Variants in ASGR1 observed in about 807,000 individuals in gnomAD.
ASGR1 encodes C-type lectin domain family 4 member H1.
In ASGR1, 35 loss-of-function variants were observed where a neutral mutation model predicts 33.1. The ratio of observed to expected loss-of-function variants is 1.06; its 90% confidence interval spans 0.81 to 1.40. The LOEUF is 1.40. Ranked by LOEUF, ASGR1 falls within the 40% of genes most tolerant of loss-of-function variation. The probability of loss-of-function intolerance (pLI) is 0.00; values close to 1 mark genes in which losing one functional copy is unlikely to be tolerated. For missense variants in ASGR1, 396 were observed against 373.7 expected, an observed-to-expected ratio of 1.06 and a Z score of -0.49; for synonymous variants, 142 against 152.5, an observed-to-expected ratio of 0.93 and a Z score of 0.51.
chr17:7,176,913 G>A lies in ASGR1; in HGVS notation c.284-12C>T. 1 of 1,611,820 alleles carries A rather than the reference G, an allele frequency of 6.2e-7. No homozygotes were observed. Among genetic ancestry groups the A allele is most frequent in the African/African-American group, 1.3e-5 (1 of 74,924 alleles). On this transcript the variant is annotated splice_polypyrimidine_tract_variant and intron_variant, in intron 4 of 8. Coordinates refer to ENST00000269299, the MANE Select transcript of ASGR1 (RefSeq NM_001671.5). ...TCCCACATTGCCTCCTGCGGGAGAG[G>A]CTCGCTCAGCGTTCCCGACAGCCCC...
At chr17:7,176,453 C>T (rs2069210461) in intron 5 of ASGR1, among the ~76,000 whole-genome samples, 1 of 149,558 alleles carries the variant, frequency 6.7e-6, no homozygotes, top group Non-Finnish European at 1.5e-5. Context: ...ACACACACTC[C>T]CTCTCATTCC....
chr17:7,175,307 C>T (rs1008660377), intron 5 of ASGR1, among the ~76,000 whole-genome samples: 2 of 139,458 alleles, frequency 1.4e-5, no homozygotes, highest in African/African-American at 3.1e-5. Flanking sequence ...ACACACACAA[C>T]ACACCTTCAC....
intron 2 of ASGR1, 134 bp from the exon 3 acceptor site, chr17:7,177,460 G>C: frequency 1.5e-6 from 1 of 677,876 alleles, no homozygotes; most frequent in Non-Finnish European, 2.5e-6. Flanking sequence ...AATGCGGGCG[G>C]TGGGCGACCC....
intron 5 of ASGR1, among the ~76,000 whole-genome samples, chr17:7,175,710 C>T (rs924890598): frequency 3.3e-5 from 5 of 151,092 alleles, no homozygotes; most frequent in Non-Finnish European, 7.4e-5. Context: ...CCCTCATTCT[C>T]ACACACATAA....
At chr17:7,178,221 C>T in intron 2 of ASGR1, 1 of 505,128 alleles carries the variant, frequency 2.0e-6, no homozygotes, top group Admixed American at 3.2e-5. Flanking sequence ...GACCTCATCT[C>T]TCCAGCTTCC....
Position 7,176,859 on chromosome 17 carries a change from A to C in ASGR1, c.326T>G (p.Leu109Arg), listed in dbSNP as rs572631971. The change falls in exon 5 of 9, where the codon CTG (leucine) becomes CGG (arginine). Residue 109 changes from leucine (L) to arginine (R), a missense_variant. By Grantham distance (102) the Leu-to-Arg change is moderately radical. Coordinates refer to ENST00000269299, the MANE Select transcript of ASGR1 (RefSeq NM_001671.5). ...ACTCAGGTCCTTCTGCTGTTTCTCC[A>C]GCTGGGACTCTAGCGACTTCATCTT... ...GRKMKSLESQLEKQQKDLSED... is the reference protein window; with the variant it reads ...GRKMKSLESQREKQQKDLSED... 16 of 1,612,360 alleles carry C rather than the reference A, an allele frequency of 9.9e-6. 1 individual carries two copies. In the East Asian group the frequency reaches 3.1e-4, roughly 31 times the overall value.
chr17:7,176,934 G>GC, intron 4 of ASGR1, 33 bp from the exon 5 acceptor site: 3 of 1,609,218 alleles, frequency 1.9e-6, no homozygotes, highest in South Asian at 2.2e-5. Context: ...GTTCCCGACA[G>GC]CCCCCCAGCC....
rs538630456 is a variant in ASGR1, at chr17:7,176,073, CCTT to C, written c.355+754_355+756del. Among the ~76,000 whole-genome samples, 577 of 150,714 alleles carry C rather than the reference CCTT, an allele frequency of 3.8e-3. 1 individual carries two copies. Among genetic ancestry groups the C allele is most frequent in the South Asian group, 0.02 (96 of 4,764 alleles). On this transcript the variant is annotated intron_variant, in intron 5 of 8. Transcript: ENST00000269299. ...ACACAGACTCACACACCCATCCACT[CCTT>C]CTCATTCTCACACTCACACACACTC...
At chr17:7,176,452 CCCT>C (rs1184273526) in intron 5 of ASGR1, among the ~76,000 whole-genome samples, 1 of 150,906 alleles carries the variant, frequency 6.6e-6, no homozygotes. Context: ...CACACACACT[CCCT>C]CTCATTCCCA....
At chr17:7,176,293 ACACT>A (rs1161425154) in intron 5 of ASGR1, among the ~76,000 whole-genome samples, 1 of 139,874 alleles carries the variant, frequency 7.1e-6, no homozygotes, top group Non-Finnish European at 1.5e-5. Context: ...TCTCATTCTC[ACACT>A]CACAGACTCA....
chr17:7,176,287 AT>A (rs2069205847), intron 5 of ASGR1, among the ~76,000 whole-genome samples: 1 of 139,818 alleles, frequency 7.2e-6, no homozygotes, highest in Admixed American at 7.1e-5. Flanking sequence ...ACCCCATCTC[AT>A]TCTCACACTC....
chr17:7,176,388 TCA>T lies in ASGR1; in HGVS notation c.355+440_355+441del, dbSNP rs796264143. On this transcript the variant is annotated intron_variant, in intron 5 of 8. Transcript: ENST00000269299. ...CCCCATCTCATTCTTACACTCAGAC[TCA>T]CACACACCTCATTATCACACTCACA... Among the ~76,000 whole-genome samples the T allele has an allele frequency of 9.7e-3, 1,018 of 105,164 alleles. 12 individuals are homozygous for T. Among genetic ancestry groups the T allele is most frequent in the African/African-American group, 0.029 (917 of 31,844 alleles). 69.0% of individuals were successfully genotyped at this position (105,164 alleles called of 152,430 possible).
rs779143556 is a variant in ASGR1, at chr17:7,178,605, G to A, written c.-25-17C>T. On this transcript the variant is annotated splice_polypyrimidine_tract_variant and intron_variant, in intron 1 of 8. Coordinates refer to ENST00000269299, the MANE Select transcript of ASGR1 (RefSeq NM_001671.5). The stretch of plus-strand genomic sequence containing the variant: ...GACCTGGGACTGAGTCAAGACTGAG[G>A]CTGGGGCTGAGGTGGGGGCTCACCA... 3 of 1,591,352 alleles carry A rather than the reference G, an allele frequency of 1.9e-6. No individual in the cohort carries two copies. The highest frequency in any genetic ancestry group is 2.6e-6 in the Non-Finnish European group (3 of 1,163,404).
intron 5 of ASGR1, among the ~76,000 whole-genome samples, chr17:7,175,320 ACGACACACACAACACACCTTCACC>A (rs1268281505): frequency 7.6e-5 from 10 of 130,834 alleles, no homozygotes; most frequent in African/African-American, 3.4e-4. Flanking sequence ...ACCTTCACCC[ACGACACACACAACACACCTTCACC>A]CACACACACA....
intron 5 of ASGR1, among the ~76,000 whole-genome samples, chr17:7,175,110 AAC>A (rs916644510): frequency 7.3e-5 from 10 of 136,186 alleles, no homozygotes; most frequent in East Asian, 2.3e-4. Flanking sequence ...AAAACACACA[AAC>A]ACACAACACA....
Position 7,176,829 on chromosome 17 carries a change from CCTT to C in ASGR1, c.353_355del (p.Glu118del). On this transcript the variant is annotated inframe_deletion and splice_region_variant, in exon 5 of 9. Transcript: ENST00000269299. ...ACACACACACACACTCCCTCTCTGA[CCTT>C]CACTCAGGTCCTTCTGCTGTTTCTC... is the stretch of plus-strand genomic sequence containing the variant. 5.0e-6 allele frequency: 8 copies of C among 1,612,392 alleles called. No individual in the cohort carries two copies. Among genetic ancestry groups the C allele is most frequent in the Non-Finnish European group, 6.8e-6 (8 of 1,179,950 alleles).
chr17:7,177,520 G>A, intron 2 of ASGR1, 194 bp from the exon 3 acceptor site: 1 of 576,732 alleles, frequency 1.7e-6, no homozygotes, highest in Non-Finnish European at 3.1e-6. Context: ...GGCTGGGGAA[G>A]GGGGCTAAGC....
Position 7,177,009 on chromosome 17 carries a change from C to T in ASGR1, c.255G>A (p.Glu85=). The part of the protein sequence containing the change: ...ETFSNFTAST[E]AQVKGLSTQG... ...GGGTGCTCAAGCCCTTGACCTGGGC[C>T]TCCGTGCTCGCTGTGAAGTTGCTGA... is the stretch of plus-strand genomic sequence containing the variant. The change falls in exon 4 of 9, where the codon GAG becomes GAA. Residue 85 remains glutamate (E), a synonymous_variant. Transcript: ENST00000269299. 1 of 1,612,684 alleles carries T rather than the reference C, an allele frequency of 6.2e-7. No individual in the cohort carries two copies. Among genetic ancestry groups the T allele is most frequent in the Admixed American group, 1.7e-5 (1 of 59,928 alleles).
intron 2 of ASGR1, 158 bp from the exon 3 acceptor site, chr17:7,177,484 G>A (rs2069231976): frequency 1.7e-6 from 1 of 603,916 alleles, no homozygotes; most frequent in Non-Finnish European, 2.9e-6. Context: ...AGGGCCAGAG[G>A]CAACTGGAAA....
Sources: allele counts gnomAD v4.1 joint callset (sites outside exome capture counted in the v4.1 genomes callset), GRCh38; gene constraint gnomAD v4.1.1; transcripts MANE v1.5; gene names NCBI Gene and HGNC (gene_info 2026-07-23, HGNC 2026-07-21).